Variants in RNF25 observed in about 807,000 individuals in gnomAD.
The protein encoded by RNF25 is ring finger protein 25.
A neutral mutation model predicts 65.0 loss-of-function variants in RNF25; 32 were observed. The observed-to-expected ratio is 0.49, with a 90% CI of 0.37 to 0.66. The LOEUF (loss-of-function observed/expected upper bound fraction) is 0.66. Ranked by LOEUF, RNF25 falls within the 30% of genes least tolerant of loss-of-function variation. The pLI, the probability that RNF25 is intolerant of heterozygous loss-of-function variation, is 0.00. For missense variants in RNF25, 493 were observed against 584.8 expected (o/e 0.84, Z 1.62); for synonymous variants, 207 against 221.2 (o/e 0.94, Z 0.57).
chr2:218,669,457 CCTT>C (rs1471797917), intron 1 of RNF25, among the ~76,000 whole-genome samples: 3 of 152,162 alleles, frequency 2.0e-5, no homozygotes, highest in African/African-American at 7.2e-5. Context: ...CTGTATATAA[CCTT>C]CTCCCTTAGA....
intron 2 of RNF25, 67 bp from the exon 3 acceptor site, chr2:218,668,408 G>A: frequency 9.3e-7 from 1 of 1,080,840 alleles, no homozygotes. Flanking sequence ...GGAGGATGGG[G>A]CTGAGACAGT....
In RNF25 at chr2:218,664,056, T is replaced by C; in HGVS notation, c.1281A>G (p.Thr427=). 1 of 1,502,134 alleles carries C rather than the reference T, an allele frequency of 6.7e-7. No individual in the cohort carries two copies. The allele number at this position is 1,502,134 out of a possible 1,614,324, so 93.1% of individuals were successfully genotyped here. Residue 427 remains threonine, a synonymous_variant, in exon 10 of 10, where the codon ACA becomes ACG. Coordinates refer to ENST00000295704, the MANE Select transcript of RNF25 (RefSeq NM_022453.3). This position sits in a 1 kb window ranked among gnomAD's most constrained non-coding sequence, Gnocchi z 5.1. The part of the protein sequence containing the change: ...CVRWERSKGR[T]PGSSYPRLPR... The stretch of plus-strand genomic sequence containing the variant: ...GCAGGCGAGGGTAGGAAGAACCGGG[T>C]GTCCGGCCTTTAGAGCGCTCCCAGC...
chr2:218,668,655 T>C lies in RNF25; in HGVS notation c.66A>G (p.Val22=), dbSNP rs16859170. ...EDWVLPSEVE[V]LESIYLDELQ... Reference sequence around the variant, plus strand: ...GTTCATCTAGATAGATGGACTCCAATACTTCAACTTCAGAGGGAAGGACCC... The same window carrying C: ...GTTCATCTAGATAGATGGACTCCAACACTTCAACTTCAGAGGGAAGGACCC... The change falls in exon 2 of 10, where the codon GTA becomes GTG. Residue 22 remains valine, a synonymous_variant. Coordinates refer to ENST00000295704, the MANE Select transcript of RNF25 (RefSeq NM_022453.3). 84,292 of 1,608,914 alleles carry C rather than the reference T, an allele frequency of 0.052. 5,075 individuals carry two copies. Among genetic ancestry groups the C allele is most frequent in the African/African-American group, 0.31 (23,146 of 74,536 alleles).
intron 1 of RNF25, among the ~76,000 whole-genome samples, chr2:218,671,173 A>AAAAACAAAAC (rs576905404): frequency 1.8e-4 from 27 of 152,334 alleles, no homozygotes; most frequent in African/African-American, 6.0e-4. Flanking sequence ...CTCTGTCTCA[A>AAAAACAAAAC]AAAACAAAAC....
At chr2:218,670,200 T>TAA (rs71403058) in intron 1 of RNF25, among the ~76,000 whole-genome samples, 14,239 of 120,476 alleles carry the variant, frequency 0.12, 1,500 homozygotes, top group African/African-American at 0.3. Flanking sequence ...CTCTGTCTCT[T>TAA]AAAAAAAAAA....
intron 1 of RNF25, among the ~76,000 whole-genome samples, chr2:218,670,739 G>C (rs1939940648): frequency 6.7e-6 from 1 of 149,738 alleles, no homozygotes; most frequent in Non-Finnish European, 1.5e-5. Context: ...AGTGGGGACT[G>C]AAGAATGTCC....
Position 218,665,945 on chromosome 2 carries a change from G to T in RNF25, c.544C>A (p.Gln182Lys). 6.2e-7 allele frequency: 1 copy of T among 1,614,146 alleles called. No individual in the cohort carries two copies. The highest frequency in any genetic ancestry group is 8.5e-7 in the Non-Finnish European group (1 of 1,180,006). ...ELKAQGQEQE[Q>K]ERQHATTKQK... is the part of the protein sequence containing the mutation. ...TTGGTTGTAGCATGCTGCCGTTCCT[G>T]TTCCTGCTCCTGTCCTTGTGCCTTC... Residue 182 changes from glutamine to lysine, a missense_variant, in exon 7 of 10, where the codon CAG (glutamine) becomes AAG (lysine). Coordinates refer to ENST00000295704, the MANE Select transcript of RNF25 (RefSeq NM_022453.3).
chr2:218,666,937 G>A (rs1939836084), intron 5 of RNF25, among the ~76,000 whole-genome samples: 1 of 152,206 alleles, frequency 6.6e-6, no homozygotes, highest in South Asian at 2.1e-4. Context: ...GGGAGGCTGA[G>A]GCAGGTGGAT....
At position 218,664,287 on chromosome 2, in the gene RNF25, G is replaced by A. The variant is rs370678325; in HGVS notation, c.1050C>T (p.Pro350=). The change falls in exon 10 of 10, where the codon CCC becomes CCT. Residue 350 remains proline, a synonymous_variant. Transcript: ENST00000295704. This position sits in a 1 kb window ranked among gnomAD's most constrained non-coding sequence, Gnocchi z 5.1. The stretch of plus-strand genomic sequence containing the variant: ...CCCCTCCCTTTGGGTGCCTCCGTTC[G>A]GGCTGTCGCCAGGGACCTCGACTGG... The part of the protein sequence containing the change: ...PKPSRGPWRQ[P]ERRHPKGGEC... The A allele has an allele frequency of 1.2e-5, 20 of 1,609,970 alleles. No individual in the cohort carries two copies. Among genetic ancestry groups the A allele is most frequent in the African/African-American group, 2.7e-5 (2 of 74,818 alleles).
In RNF25 at chr2:218,668,079, G is replaced by A. The variant is rs772692453; in HGVS notation, c.287C>T (p.Thr96Met). 34 of 1,613,890 alleles carry A rather than the reference G, an allele frequency of 2.1e-5. No homozygotes were observed. The highest frequency in any genetic ancestry group is 2.8e-5 in the Non-Finnish European group (33 of 1,179,900). ...CCCTGTTCTGACAGGTTCAACTTAC[G>A]TGTGGATCTGTTCATCTGAAAGTCC... ...PRGLSDEQIH[T>M]ILQVLGHVAK... Residue 96 changes from threonine to methionine, a missense_variant and splice_region_variant, in exon 4 of 10, where the codon ACG (threonine) becomes ATG (methionine). This residue lies in a region of RNF25 where 108 missense variants were observed against 166.0 expected (regional missense o/e 0.65). Transcript: ENST00000295704.
In RNF25 at chr2:218,664,893, A is replaced by C; in HGVS notation, c.667-20T>G. ...CAGCTCCTGGAAGGAAGAATGGCAG[A>C]GAGGAAATAATGAACAGCAGAAGGC... On this transcript the variant is annotated intron_variant, in intron 8 of 9. Transcript: ENST00000295704. The surrounding 1 kb of genome is among the most constrained non-coding windows in gnomAD (Gnocchi z 5.1). 1 of 1,613,906 alleles carries C rather than the reference A, an allele frequency of 6.2e-7. No homozygotes were observed. The highest frequency in any genetic ancestry group is 1.7e-4 in the Middle Eastern group (1 of 6,058).
rs779014662 is a variant in RNF25, at chr2:218,664,373, T to C, written c.964A>G (p.Thr322Ala). ...TQHICEKIPG[T>A]RSNQQRLGET... Reference sequence around the variant, plus strand: ...CCCAACCTTTGCTGATTTGACCTGGTCCCTGGAATCTTCTCACATATGTGC... The same window carrying C: ...CCCAACCTTTGCTGATTTGACCTGGCCCCTGGAATCTTCTCACATATGTGC... Residue 322 changes from threonine (T) to alanine (A), a missense_variant, in exon 10 of 10, where the codon ACC (threonine) becomes GCC (alanine). Transcript: ENST00000295704. This position sits in a 1 kb window ranked among gnomAD's most constrained non-coding sequence, Gnocchi z 5.1. The C allele has an allele frequency of 9.9e-6, 16 of 1,614,168 alleles. No individual in the cohort carries two copies. In the East Asian group the frequency reaches 3.6e-4, roughly 36 times the overall value.
At chr2:218,669,712 C>T (rs1477467001) in intron 1 of RNF25, among the ~76,000 whole-genome samples, 1 of 152,238 alleles carries the variant, frequency 6.6e-6, no homozygotes, top group African/African-American at 2.4e-5. Flanking sequence ...TCACACTGCT[C>T]CCTCTTCATT....
Position 218,664,808 on chromosome 2 carries a change from C to T in RNF25, c.732G>A (p.Arg244=). Residue 244 remains arginine (R), a synonymous_variant, in exon 9 of 10, where the codon AGG becomes AGA. Coordinates refer to ENST00000295704, the MANE Select transcript of RNF25 (RefSeq NM_022453.3). The surrounding 1 kb of genome is among the most constrained non-coding windows in gnomAD (Gnocchi z 5.1). ...QQEERKRLYQ[R]QQERGGIIDL... is the part of the protein sequence containing the mutation. ...CAATGATTCCCCCCCGCTCCTGCTG[C>T]CTCTGGTAGAGCCGCTTGCGTTCTT... 6 of 1,614,270 alleles carry T rather than the reference C, an allele frequency of 3.7e-6. No individual in the cohort carries two copies. Among genetic ancestry groups the T allele is most frequent in the Non-Finnish European group, 5.1e-6 (6 of 1,180,050 alleles).
At chr2:218,666,520 T>C (rs991101800) in intron 5 of RNF25, among the ~76,000 whole-genome samples, 2 of 152,152 alleles carry the variant, frequency 1.3e-5, no homozygotes, top group Non-Finnish European at 2.9e-5. Context: ...ATAATACACC[T>C]TGAGAAAAAA....
intron 1 of RNF25, among the ~76,000 whole-genome samples, chr2:218,669,773 A>G (rs1236612584): frequency 6.6e-6 from 1 of 152,244 alleles, no homozygotes; most frequent in East Asian, 1.9e-4. Flanking sequence ...GTTAAGTCTT[A>G]GGCAGAAACT....
chr2:218,668,375 C>T (rs1258277922), intron 2 of RNF25, 34 bp from the exon 3 acceptor site: 11 of 950,784 alleles, frequency 1.2e-5, no homozygotes, highest in Admixed American at 2.0e-5. Context: ...GCAGATGTGA[C>T]TGGGTAGGGG....
Position 218,665,252 on chromosome 2 carries a change from AAAAG to A in RNF25, c.574-9_574-6del. 6.2e-7 allele frequency: 1 copy of A among 1,612,404 alleles called. No individual in the cohort carries two copies. ...ACACTGCACACCGACTGCCTTCTAA[AAAAG>A]AGAAAAATCATATGCCTGTGTCACA... On this transcript the variant is annotated splice_region_variant and splice_polypyrimidine_tract_variant and intron_variant, in intron 7 of 9. Transcript: ENST00000295704.
Position 218,665,204 on chromosome 2 carries a change from A to G in RNF25, c.617T>C (p.Val206Ala). 6.2e-7 allele frequency: 1 copy of G among 1,614,188 alleles called. No homozygotes were observed. Among genetic ancestry groups the G allele is most frequent in the Non-Finnish European group, 8.5e-7 (1 of 1,180,040 alleles). The stretch of plus-strand genomic sequence containing the variant: ...TGCTTTCAGTGAGGCAAGATCATAC[A>G]CGAGGGGCTCTCTGCACACTGGACA... ...VQCPVCREPL[V>A]YDLASLKAAP... Residue 206 changes from valine to alanine, a missense_variant, in exon 8 of 10, where the codon GTG becomes GCG. By Grantham distance (64) the Val-to-Ala change is moderately conservative. Around this residue, in one of 3 missense-constraint regions of RNF25, gnomAD observed 351 missense variants for 400.2 expected, o/e 0.88. Coordinates refer to ENST00000295704, the MANE Select transcript of RNF25 (RefSeq NM_022453.3).
Sources: allele counts gnomAD v4.1 joint callset (sites outside exome capture counted in the v4.1 genomes callset), GRCh38; gene constraint gnomAD v4.1.1; regional missense constraint gnomAD v4.1.1; non-coding constraint Gnocchi (gnomAD v3.1); transcripts MANE v1.5; gene names NCBI Gene and HGNC (gene_info 2026-07-23, HGNC 2026-07-21).